The following PCARE variants were observed in gnomAD, a reference collection of about 807,000 sequenced individuals.
The protein encoded by PCARE is uncharacterized protein C2orf71.
PCARE carries 72 observed loss-of-function variants against 82.2 expected under a neutral mutation model. The observed-to-expected ratio is 0.88, with a 90% CI of 0.72 to 1.07. The LOEUF is 1.07. Ranked by LOEUF, PCARE falls within the 50% of genes least tolerant of loss-of-function variation. The pLI is 0.00. For missense variants in PCARE, 1,768 were observed against 1,592.4 expected, an observed-to-expected ratio of 1.11 and a Z score of -1.88; for synonymous variants, 705 against 634.8, an observed-to-expected ratio of 1.11 and a Z score of -1.66.
In PCARE at chr2:29,071,723, C is replaced by G. The variant is rs541757069; in HGVS notation, c.2539G>C (p.Glu847Gln). The G allele has an allele frequency of 1.9e-4, 310 of 1,613,968 alleles. 3 individuals are homozygous for G. The South Asian group carries it at 3.2e-3, about 17-fold the overall frequency. ...VLMDKSFASL[E>Q]SPESSKSTEN... ...GTGGACTTGCTGCTTTCTGGGGACT[C>G]CAGAGAAGCGAATGATTTGTCCATC... Residue 847 changes from glutamate (E) to glutamine (Q), a missense_variant, in exon 1 of 2, where the codon GAG (glutamate) becomes CAG (glutamine). By Grantham distance (29) the Glu-to-Gln change is conservative. Coordinates refer to ENST00000331664, the MANE Select transcript of PCARE (RefSeq NM_001029883.3).
rs758550464 is a variant in PCARE, at chr2:29,072,132, C to T, written c.2130G>A (p.Glu710=). 6.2e-7 allele frequency: 1 copy of T among 1,614,250 alleles called. No individual in the cohort carries two copies. Among genetic ancestry groups the T allele is most frequent in the East Asian group, 2.2e-5 (1 of 44,884 alleles). ...GKLPNAIPSG[E]VSEAAKATDW... The stretch of plus-strand genomic sequence containing the variant: ...CTGTGGCCTTGGCAGCCTCACTGAC[C>T]TCTCCTGATGGGATGGCATTTGGAA... Residue 710 remains glutamate (E), a synonymous_variant, in exon 1 of 2, where the codon GAG becomes GAA. Coordinates refer to ENST00000331664, the MANE Select transcript of PCARE (RefSeq NM_001029883.3).
intron 1 of PCARE, among the ~76,000 whole-genome samples, chr2:29,066,266 C>A (rs1667387682): frequency 6.6e-6 from 1 of 152,194 alleles, no homozygotes; most frequent in African/African-American, 2.4e-5. Context: ...GTATTAATAG[C>A]ATAAGTGCCC....
Position 29,070,825 on chromosome 2 carries a change from G to A in PCARE, c.3437C>T (p.Pro1146Leu). The A allele has an allele frequency of 1.2e-6, 2 of 1,614,124 alleles. No homozygotes were observed. The highest frequency in any genetic ancestry group is 2.2e-5 in the South Asian group (2 of 91,080). ...GCCCCCAGCCTCTGGCGGCAGCGATGGTGGGGTCAGTGGGTGGGCTGTTGA... is the reference window on the plus strand; with the variant it reads ...GCCCCCAGCCTCTGGCGGCAGCGATAGTGGGGTCAGTGGGTGGGCTGTTGA... ...PLSTAHPLTP[P>L]SLPPEAGGPL... Residue 1146 changes from proline (P) to leucine (L), a missense_variant, in exon 1 of 2, where the codon CCA (proline) becomes CTA (leucine). By Grantham distance (98) the Pro-to-Leu change is moderately conservative (BLOSUM62 -3). Coordinates refer to ENST00000331664, the MANE Select transcript of PCARE (RefSeq NM_001029883.3).
chr2:29,070,820 G>A lies in PCARE; in HGVS notation c.3442C>T (p.Leu1148=), dbSNP rs374125561. The part of the protein sequence containing the change: ...STAHPLTPPS[L]PPEAGGPLGN... Reference sequence around the variant, plus strand: ...AGAGGGCCCCCAGCCTCTGGCGGCAGCGATGGTGGGGTCAGTGGGTGGGCT... The same window carrying A: ...AGAGGGCCCCCAGCCTCTGGCGGCAACGATGGTGGGGTCAGTGGGTGGGCT... The change falls in exon 1 of 2, where the codon CTG becomes TTG. Residue 1148 remains leucine (L), a synonymous_variant. Coordinates refer to ENST00000331664, the MANE Select transcript of PCARE (RefSeq NM_001029883.3). The A allele has an allele frequency of 1.9e-6, 3 of 1,614,048 alleles. No homozygotes were observed. The highest frequency in any genetic ancestry group is 1.7e-5 in the Admixed American group (1 of 60,010).
rs367879157 is a variant in PCARE at position 29,073,077 on chromosome 2, G to T, written c.1185C>A (p.His395Gln). The change falls in exon 1 of 2, where the codon CAC (histidine) becomes CAA (glutamine). Residue 395 changes from histidine (H) to glutamine (Q), a missense_variant. By Grantham distance (24) the His-to-Gln change is conservative. Transcript: ENST00000331664. ...AACAGAATGGACTTTGCTGCCAGGT[G>T]TGTCCTGACTGCCTGGCCTCTGTGT... ...SPHTEARQSG[H>Q]TWQQSPFCLG... 5 of 1,614,102 alleles carry T rather than the reference G, an allele frequency of 3.1e-6. No homozygotes were observed. The highest frequency in any genetic ancestry group is 3.4e-6 in the Non-Finnish European group (4 of 1,179,980).
rs190462758 is a variant in PCARE at position 29,071,645 on chromosome 2, T to C, written c.2617A>G (p.Thr873Ala). The change falls in exon 1 of 2, where the codon ACC becomes GCC. Residue 873 changes from threonine (T) to alanine (A), a missense_variant. Thr to Ala is a moderately conservative substitution (Grantham distance 58). Transcript: ENST00000331664. ...QEPGPGEAGP[T>A]RRTWASPKLR... Reference sequence around the variant, plus strand: ...TTTGGGGAAGCCCATGTTCTCCTGGTGGGGCCAGCCTCTCCCGGCCCTGGC... The same window carrying C: ...TTTGGGGAAGCCCATGTTCTCCTGGCGGGGCCAGCCTCTCCCGGCCCTGGC... 768 of 1,613,762 alleles carry C rather than the reference T, an allele frequency of 4.8e-4. 3 individuals carry two copies. The African/African-American group carries it at 8.5e-3, about 18-fold the overall frequency.
At chr2:29,066,028 A>T (rs1449705008) in intron 1 of PCARE, among the ~76,000 whole-genome samples, 2 of 152,242 alleles carry the variant, frequency 1.3e-5, no homozygotes, top group African/African-American at 2.4e-5. Flanking sequence ...GACACCTGTA[A>T]TCCCAGCTAC....
At chr2:29,069,202 G>A (rs1189721604) in intron 1 of PCARE, among the ~76,000 whole-genome samples, 1 of 152,128 alleles carries the variant, frequency 6.6e-6, no homozygotes, top group African/African-American at 2.4e-5. Flanking sequence ...TAAATTTTTT[G>A]TTGTTGTAGA....
At position 29,072,344 on chromosome 2, in the gene PCARE, G is replaced by C. The variant is rs760955436; in HGVS notation, c.1918C>G (p.Gln640Glu). The C allele has an allele frequency of 4.5e-5, 73 of 1,613,934 alleles. No individual in the cohort carries two copies. The highest frequency in any genetic ancestry group is 5.8e-5 in the Non-Finnish European group (69 of 1,180,026). ...GAKGQGQSQE[Q>E]ILQPRAAAVW... ...GCGGCTGCTCTGGGCTGCAGAATTTGCTCCTGGCTCTGCCCCTGCCCTTTG... is the reference window on the plus strand; with the variant it reads ...GCGGCTGCTCTGGGCTGCAGAATTTCCTCCTGGCTCTGCCCCTGCCCTTTG... Residue 640 changes from glutamine (Q) to glutamate (E), a missense_variant, in exon 1 of 2, where the codon CAA becomes GAA. Physicochemically the swap from Gln to Glu is conservative, Grantham distance 29. Coordinates refer to ENST00000331664, the MANE Select transcript of PCARE (RefSeq NM_001029883.3).
chr2:29,073,134 C>G lies in PCARE; in HGVS notation c.1128G>C (p.Glu376Asp), dbSNP rs1667523240. ...GKQTSWDLAPEPEEWKSVTSP... is the reference protein window; with the variant it reads ...GKQTSWDLAPDPEEWKSVTSP... ...AAGTCACCGACTTCCATTCTTCGGG[C>G]TCTGGTGCAAGGTCCCAGCTGGTTT... Residue 376 changes from glutamate to aspartate, a missense_variant, in exon 1 of 2, where the codon GAG becomes GAC. By Grantham distance (45) the Glu-to-Asp change is conservative. Transcript: ENST00000331664. The G allele has an allele frequency of 1.9e-6, 3 of 1,614,044 alleles. No homozygotes were observed. Among genetic ancestry groups the G allele is most frequent in the Non-Finnish European group, 2.5e-6 (3 of 1,180,034 alleles).
In PCARE at chr2:29,074,096, C is replaced by T. The variant is rs1667546191; in HGVS notation, c.166G>A (p.Gly56Ser). 8 of 1,614,168 alleles carry T rather than the reference C, an allele frequency of 5.0e-6. No individual in the cohort carries two copies. The highest frequency in any genetic ancestry group is 6.8e-6 in the Non-Finnish European group (8 of 1,180,032). Residue 56 changes from glycine to serine, a missense_variant, in exon 1 of 2, where the codon GGC (glycine) becomes AGC (serine). Gly to Ser is a moderately conservative substitution (Grantham distance 56). Transcript: ENST00000331664. ...KNSTCYDAGEGLAEEQPSPRR... is the reference protein window; with the variant it reads ...KNSTCYDAGESLAEEQPSPRR... ...GGACTTGGCTGCTCCTCTGCCAGGC[C>T]CTCCCCAGCGTCATAGCAGGTGGAG...
chr2:29,070,309 G>A (rs1667449285), intron 1 of PCARE, among the ~76,000 whole-genome samples: 1 of 151,942 alleles, frequency 6.6e-6, no homozygotes, highest in Admixed American at 6.6e-5. Flanking sequence ...TGCCCTTCCT[G>A]TGTCCATGTG....
chr2:29,073,431 C>T lies in PCARE; in HGVS notation c.831G>A (p.Lys277=). 6.2e-7 allele frequency: 1 copy of T among 1,614,122 alleles called. No homozygotes were observed. The highest frequency in any genetic ancestry group is 1.3e-5 in the African/African-American group (1 of 75,052). The change falls in exon 1 of 2, where the codon AAG becomes AAA. Residue 277 remains lysine (K), a synonymous_variant. Transcript: ENST00000331664. ...LQQLLQYTVS[K]LQVLNGTVAS... ...CCACTGTGCCATTGAGCACCTGCAG[C>T]TTGCTGACTGTGTACTGTAGCAGCT...
chr2:29,063,393 T>A lies in PCARE; in HGVS notation c.*1476A>T, dbSNP rs1278442277. On this transcript the variant is annotated 3_prime_UTR_variant, in exon 2 of 2. Transcript: ENST00000331664. ...TGGGTTGTGGCCCCTCTTGGTAGTT[T>A]AATCAGCTGTTCTTTGGGTGCCTTT... is the stretch of plus-strand genomic sequence containing the variant. 1 of 152,414 alleles carries A rather than the reference T, an allele frequency of 6.6e-6. No individual in the cohort carries two copies. The highest frequency in any genetic ancestry group is 2.4e-5 in the African/African-American group (1 of 41,456). The allele number at this position is 152,414 out of a possible 1,614,324, so 9.4% of individuals were successfully genotyped here. A position where few individuals can be genotyped will look rare whatever the true frequency, so the allele number is the denominator to read the frequency against.
In PCARE at chr2:29,074,214, CTT is replaced by C. The variant is rs1237318297; in HGVS notation, c.46_47del (p.Lys16GlufsTer21). 1 of 1,586,642 alleles carries C rather than the reference CTT, an allele frequency of 6.3e-7. No individual in the cohort carries two copies. Among genetic ancestry groups the C allele is most frequent in the Non-Finnish European group, 8.6e-7 (1 of 1,166,326 alleles). On this transcript the variant is annotated frameshift_variant, in exon 1 of 2. Coordinates refer to ENST00000331664, the MANE Select transcript of PCARE (RefSeq NM_001029883.3). LOFTEE classifies it high-confidence loss of function. Reference sequence around the variant, plus strand: ...GCTTTTTCAAGAACTGAATGCCACTCTTTGCAACGCTGTTTACAAGGTCACTG... The same window carrying C: ...GCTTTTTCAAGAACTGAATGCCACTCTGCAACGCTGTTTACAAGGTCACTG... ...SHSDLVNSVA[K>X]SGIQFLKKPK... is the part of the protein sequence containing the mutation.
chr2:29,067,272 C>T (rs914030171), intron 1 of PCARE, among the ~76,000 whole-genome samples: 29 of 152,138 alleles, frequency 1.9e-4, no homozygotes, highest in African/African-American at 6.3e-4. Context: ...GGTGTTTCCC[C>T]ATATGCAGGA....
Position 29,073,795 on chromosome 2 carries a change from G to T in PCARE, c.467C>A (p.Thr156Lys), listed in dbSNP as rs1347275472. ...KRTAKCHTSS[T>K]QSHCYQTIHP... is the part of the protein sequence containing the mutation. ...GATGGTTTGGTAGCAGTGGCTCTGT[G>T]TGCTTGACGTGTGACATTTTGCTGT... Residue 156 changes from threonine to lysine, a missense_variant, in exon 1 of 2, where the codon ACA (threonine) becomes AAA (lysine). Coordinates refer to ENST00000331664, the MANE Select transcript of PCARE (RefSeq NM_001029883.3). 1 of 1,614,242 alleles carries T rather than the reference G, an allele frequency of 6.2e-7. No individual in the cohort carries two copies.
chr2:29,070,736 G>A lies in PCARE; in HGVS notation c.3526C>T (p.Gln1176Ter). 1 of 1,614,156 alleles carries A rather than the reference G, an allele frequency of 6.2e-7. No individual in the cohort carries two copies. The highest frequency in any genetic ancestry group is 2.2e-5 in the East Asian group (1 of 44,866). Residue 1176 changes from glutamine (Q) to a stop codon, truncating the protein, a stop_gained, in exon 1 of 2, where the codon CAG becomes TAG. Coordinates refer to ENST00000331664, the MANE Select transcript of PCARE (RefSeq NM_001029883.3). LOFTEE classifies it high-confidence loss of function. ...AGGGCACACAGAGCTGCTCTCCGCT[G>A]CGAGTCTGCTCTCAGCCAAGGCCCT... ...SSGPWLRADS[Q>*]RRAALCALNP...
intron 1 of PCARE, among the ~76,000 whole-genome samples, chr2:29,067,464 G>A (rs1265926789): frequency 6.6e-6 from 1 of 152,108 alleles, no homozygotes; most frequent in African/African-American, 2.4e-5. Flanking sequence ...CATAAGAGGC[G>A]GGGGAATGGT....
Sources: gnomAD v4.1 joint callset for allele counts (sites outside exome capture counted in the v4.1 genomes callset) on GRCh38, gnomAD v4.1.1 for gene constraint, MANE v1.5 for transcripts, NCBI Gene and HGNC (gene_info 2026-07-23, HGNC 2026-07-21) for gene names.